DSCAM: variants seen among roughly 807,000 people sequenced by gnomAD.
The protein encoded by DSCAM is cell adhesion molecule DSCAM.
Under a neutral mutation model 217.7 loss-of-function variants are expected in DSCAM, and 47 were observed. The ratio of observed to expected loss-of-function variants is 0.22; its 90% CI spans 0.17 to 0.28. The LOEUF (loss-of-function observed/expected upper bound fraction) is 0.28. DSCAM is among the 10% of genes least tolerant of loss of function. The probability of loss-of-function intolerance (pLI) is 1.00; values close to 1 mark genes in which losing one functional copy is unlikely to be tolerated. For synonymous variants in DSCAM, 1,056 were observed against 1,015.3 expected, an observed-to-expected ratio of 1.04 and a Z score of -0.76; for missense variants, 2,080 against 2,618.3, an observed-to-expected ratio of 0.79 and a Z score of 4.49.
At chr21:40,342,441 T>C (rs2123603702) in intron 6 of DSCAM, among the ~76,000 whole-genome samples, 1 of 151,810 alleles carries the variant, frequency 6.6e-6, no homozygotes, top group East Asian at 1.9e-4. Flanking sequence ...TTCTGTTTTC[T>C]TTTGGAGACT....
Position 40,292,861 on chromosome 21 carries a change from G to C in DSCAM, c.2182+3194C>G, listed in dbSNP as rs367627036. Among the ~76,000 whole-genome samples the C allele has an allele frequency of 5.9e-4, 90 of 151,838 alleles. No individual in the cohort carries two copies. The South Asian group carries it at 9.0e-3, about 15-fold the overall frequency. On this transcript the variant is annotated intron_variant, in intron 10 of 32. Transcript: ENST00000400454. ...GGGTTCATGCCATTCTTAGCCTCCT[G>C]AGTAGCTGGGACTACAGGTGGCCGC...
rs111476878 is a variant in DSCAM at position 40,646,639 on chromosome 21, C to T, written c.508+46171G>A. On this transcript the variant is annotated intron_variant, in intron 3 of 32. Transcript: ENST00000400454. Reference sequence around the variant, plus strand: ...ACTTCCAACATGAAGCATGTAAAAGCGAAGAGTGGCTGGCAGAAAGGATTG... The same window carrying T: ...ACTTCCAACATGAAGCATGTAAAAGTGAAGAGTGGCTGGCAGAAAGGATTG... 6.3e-3 allele frequency among the ~76,000 whole-genome samples: 954 copies of T among 152,248 alleles called. 12 individuals carry two copies. The highest frequency in any genetic ancestry group is 0.021 in the African/African-American group (887 of 41,524).
intron 3 of DSCAM, among the ~76,000 whole-genome samples, chr21:40,494,215 G>A (rs1484063542): frequency 6.6e-6 from 1 of 152,138 alleles, no homozygotes; most frequent in African/African-American, 2.4e-5. Context: ...TACCTTGAAT[G>A]TAAATGGATT....
chr21:40,239,542 C>T (rs1356958965), intron 11 of DSCAM, among the ~76,000 whole-genome samples: 1 of 152,162 alleles, frequency 6.6e-6, no homozygotes, highest in African/African-American at 2.4e-5. Flanking sequence ...AAATGTAATG[C>T]TTTTTCCAGC....
chr21:40,648,394 A>G (rs1601820651), intron 3 of DSCAM, among the ~76,000 whole-genome samples: 1 of 152,008 alleles, frequency 6.6e-6, no homozygotes, highest in East Asian at 1.9e-4. Context: ...AGATGTCCCA[A>G]GCTGACGTCC....
chr21:40,824,036 G>T (rs553443351), intron 1 of DSCAM, among the ~76,000 whole-genome samples: 1 of 151,964 alleles, frequency 6.6e-6, no homozygotes, highest in Non-Finnish European at 1.5e-5. Flanking sequence ...TTAGTTTAAC[G>T]GTAAACTCAC....
At chr21:40,069,893 A>T (rs2089265415) in intron 27 of DSCAM, among the ~76,000 whole-genome samples, 1 of 152,188 alleles carries the variant, frequency 6.6e-6, no homozygotes, top group African/African-American at 2.4e-5. Context: ...TATTAAAAAA[A>T]GAAGGCCATA....
intron 1 of DSCAM, among the ~76,000 whole-genome samples, chr21:40,799,638 A>G (rs1041404183): frequency 2.0e-5 from 3 of 152,202 alleles, no homozygotes; most frequent in African/African-American, 4.8e-5. Context: ...TCCACCTCAT[A>G]AAGTCTTTTT....
At chr21:40,404,108 A>T (rs1040147352) in intron 3 of DSCAM, among the ~76,000 whole-genome samples, 1 of 152,098 alleles carries the variant, frequency 6.6e-6, no homozygotes, top group Non-Finnish European at 1.5e-5. Flanking sequence ...CTTATTTCAG[A>T]CCTATAGCTT....
chr21:40,222,732 AT>A lies in DSCAM; in HGVS notation c.2357-33495del, dbSNP rs542426662. On this transcript the variant is annotated intron_variant, in intron 11 of 32. Coordinates refer to ENST00000400454, the MANE Select transcript of DSCAM (RefSeq NM_001389.5). The stretch of plus-strand genomic sequence containing the variant: ...TATGTCATAGTTGTCATTTAAAAAA[AT>A]ATCTCAGTGTAATCTCTAGTACAGC... Among the ~76,000 whole-genome samples the A allele has an allele frequency of 1.7e-3, 260 of 152,352 alleles. 1 individual carries two copies. Among genetic ancestry groups the A allele is most frequent in the African/African-American group, 6.0e-3 (248 of 41,592 alleles).
intron 3 of DSCAM, among the ~76,000 whole-genome samples, chr21:40,413,469 T>C (rs1423892784): frequency 6.6e-6 from 1 of 152,176 alleles, no homozygotes; most frequent in African/African-American, 2.4e-5. Context: ...GGAGATCATT[T>C]TGGAGCTTTA....
intron 1 of DSCAM, among the ~76,000 whole-genome samples, chr21:40,751,289 T>C (rs570098766): frequency 6.6e-6 from 1 of 152,334 alleles, no homozygotes; most frequent in South Asian, 2.1e-4. Flanking sequence ...TTCAGTTTCT[T>C]TGCACTAATT....
rs190349463 is a variant in DSCAM at position 40,747,512 on chromosome 21, T to C, written c.44-38741A>G. Among the ~76,000 whole-genome samples, 7 of 151,768 alleles carry C rather than the reference T, an allele frequency of 4.6e-5. No homozygotes were observed. The East Asian group carries it at 7.7e-4, about 17-fold the overall frequency. On this transcript the variant is annotated intron_variant, in intron 1 of 32. Coordinates refer to ENST00000400454, the MANE Select transcript of DSCAM (RefSeq NM_001389.5). ...CTAGCAAGATTAAATCATGAAGAAATAGAAAATCTTAATAGACCAATAATG... is the reference window on the plus strand; with the variant it reads ...CTAGCAAGATTAAATCATGAAGAAACAGAAAATCTTAATAGACCAATAATG...
intron 20 of DSCAM, among the ~76,000 whole-genome samples, chr21:40,099,079 A>C (rs1035039865): frequency 6.6e-6 from 1 of 152,206 alleles, no homozygotes; most frequent in Admixed American, 6.5e-5. Flanking sequence ...AAATTCTAAC[A>C]ATTACTCTTA....
At chr21:40,573,444 G>C (rs930694694) in intron 3 of DSCAM, among the ~76,000 whole-genome samples, 34 of 151,894 alleles carry the variant, frequency 2.2e-4, no homozygotes, top group African/African-American at 7.3e-4. Context: ...ATGACCTATA[G>C]AAAAACCACA....
intron 11 of DSCAM, among the ~76,000 whole-genome samples, chr21:40,196,558 A>G (rs1426035767): frequency 2.0e-5 from 3 of 151,428 alleles, no homozygotes; most frequent in African/African-American, 4.9e-5. Context: ...TCCCCCACTA[A>G]TTGCCATTTC....
rs781553943 is a variant in DSCAM, at chr21:40,347,829, C to T, written c.1051G>A (p.Gly351Ser). Residue 351 changes from glycine (G) to serine (S), a missense_variant, in exon 6 of 33, where the codon GGT (glycine) becomes AGT (serine). By Grantham distance (56) the Gly-to-Ser change is moderately conservative. Coordinates refer to ENST00000400454, the MANE Select transcript of DSCAM (RefSeq NM_001389.5). ...TTTTTTCCAGGGTTGAGGATTTCACCATTGCGGTACCAGGAGAGTTCCTGG... is the reference window on the plus strand; with the variant it reads ...TTTTTTCCAGGGTTGAGGATTTCACTATTGCGGTACCAGGAGAGTTCCTGG... The part of the protein sequence containing the change: ...EDQELSWYRN[G>S]EILNPGKNVR... 1.2e-6 allele frequency: 2 copies of T among 1,614,026 alleles called. No homozygotes were observed. The highest frequency in any genetic ancestry group is 1.7e-5 in the Admixed American group (1 of 59,994).
intron 11 of DSCAM, among the ~76,000 whole-genome samples, chr21:40,189,815 G>GAACT (rs527515984): frequency 1.3e-3 from 204 of 152,298 alleles, no homozygotes; most frequent in South Asian, 6.6e-3. Flanking sequence ...CAGCCACATG[G>GAACT]AACTGTAAGT....
At chr21:40,517,404 A>ACACACAC (rs2076310968) in intron 3 of DSCAM, among the ~76,000 whole-genome samples, 26 of 144,774 alleles carry the variant, frequency 1.8e-4, no homozygotes, top group African/African-American at 6.7e-4. Context: ...ACACACAAGC[A>ACACACAC]ACACACACAC....
Sources: allele counts gnomAD v4.1 joint callset (sites outside exome capture counted in the v4.1 genomes callset), GRCh38; gene constraint gnomAD v4.1.1; transcripts MANE v1.5; gene names NCBI Gene and HGNC (gene_info 2026-07-23, HGNC 2026-07-21).